DPH6: variants seen among roughly 807,000 people sequenced by gnomAD.
The protein encoded by DPH6 is diphthine--ammonia ligase.
In DPH6, 33 loss-of-function variants were observed where a neutral mutation model predicts 38.2. The observed-to-expected ratio is 0.86, with a 90% CI of 0.65 to 1.15. The LOEUF (loss-of-function observed/expected upper bound fraction) is 1.15. Ranked by LOEUF, DPH6 falls within the 50% of genes most tolerant of loss-of-function variation. The pLI is 0.00. For missense variants in DPH6, 325 were observed against 320.0 expected (o/e 1.02, Z -0.12); for synonymous variants, 108 against 103.0 (o/e 1.05, Z -0.30).
At chr15:35,197,121 G>C in the DPH6 span, among the ~76,000 whole-genome samples, 869 of 152,200 alleles carry the variant, frequency 5.7e-3, 4 homozygotes, top group Non-Finnish European at 9.5e-3. Flanking sequence ...ATTCACAGTA[G>C]AGCTTTGTAA....
chr15:35,479,854 G>A (rs971411633), intron 3 of DPH6, among the ~76,000 whole-genome samples: 6 of 151,858 alleles, frequency 4.0e-5, no homozygotes, highest in African/African-American at 1.5e-4. Context: ...AATTCTAATT[G>A]AAAAGAACAT....
chr15:35,197,916 T>C, the DPH6 span, among the ~76,000 whole-genome samples: 1 of 152,200 alleles, frequency 6.6e-6, no homozygotes, highest in African/African-American at 2.4e-5. Context: ...TTTTATCTCA[T>C]GGACATTACA....
chr15:35,312,100 T>C (rs905362127), intron 3 of DPH6, among the ~76,000 whole-genome samples: 2 of 151,752 alleles, frequency 1.3e-5, no homozygotes, highest in African/African-American at 2.4e-5. Context: ...AGAAGTTTCA[T>C]CTTTTTTTAA....
rs539692541 is a variant in DPH6, at chr15:35,243,481, C to T, written n.201-22899G>A. On this transcript the variant is annotated intron_variant and non_coding_transcript_variant, in intron 3 of 3. Transcript: ENST00000560386. Reference sequence around the variant, plus strand: ...TATATGCCCAGATGGCCTGAAGTAACTGAAGAATCACAAAAGAAGTGAAAA... The same window carrying T: ...TATATGCCCAGATGGCCTGAAGTAATTGAAGAATCACAAAAGAAGTGAAAA... 7.6e-5 allele frequency among the ~76,000 whole-genome samples: 11 copies of T among 144,292 alleles called. 1 individual carries two copies. The highest frequency in any genetic ancestry group is 2.8e-4 in the African/African-American group (11 of 39,940). The allele number at this position is 144,292 out of a possible 152,430, so 94.7% of individuals were successfully genotyped here.
chr15:35,214,728 C>T (rs959398354), downstream of DPH6, among the ~76,000 whole-genome samples: 2 of 152,188 alleles, frequency 1.3e-5, no homozygotes, highest in Admixed American at 6.5e-5. Context: ...CTGCCTCAGA[C>T]TACCGAGTAG....
At chr15:35,447,412 T>C (rs559134470) in intron 5 of DPH6, among the ~76,000 whole-genome samples, 155 of 152,240 alleles carry the variant, frequency 1.0e-3, no homozygotes, top group African/African-American at 3.7e-3. Flanking sequence ...AATTCACTTA[T>C]AATGCCTTTC....
the DPH6 span, among the ~76,000 whole-genome samples, chr15:35,195,168 A>G: frequency 4.0e-3 from 612 of 152,208 alleles, 3 homozygotes; most frequent in African/African-American, 0.014. Flanking sequence ...AACATGCAAT[A>G]TTTGTCTTTC....
In DPH6 at chr15:35,237,256, T is replaced by C. The variant is rs549410410; in HGVS notation, n.201-16674A>G. On this transcript the variant is annotated intron_variant and non_coding_transcript_variant, in intron 3 of 3. Coordinates refer to the DPH6 transcript ENST00000560386. ...AGCGGAGCTGGTTGAGCCTTGAAAGTGCTAAAACGCGCGGCCGTGTTATTG... is the reference window on the plus strand; with the variant it reads ...AGCGGAGCTGGTTGAGCCTTGAAAGCGCTAAAACGCGCGGCCGTGTTATTG... 14 of 1,383,700 alleles carry C rather than the reference T, an allele frequency of 1.0e-5. No homozygotes were observed. In the South Asian group the frequency reaches 1.6e-4, roughly 16 times the overall value. The allele number at this position is 1,383,700 out of a possible 1,614,324, so 85.7% of individuals were successfully genotyped here. A position where few individuals can be genotyped will look rare whatever the true frequency, so the allele number is the denominator to read the frequency against.
rs1384357927 is a variant in DPH6 at position 35,355,623 on chromosome 15, T to C, written n.207+17898A>G. Among the ~76,000 whole-genome samples, 3 of 152,364 alleles carry C rather than the reference T, an allele frequency of 2.0e-5. No homozygotes were observed. The East Asian group carries it at 5.8e-4, about 29-fold the overall frequency. ...ATGTTGAATATTGGCCCCCACTCTC[T>C]TCTGGCTTGTAGTTTCTGCCGAGAG... On this transcript the variant is annotated intron_variant and non_coding_transcript_variant, in intron 3 of 3. Transcript: ENST00000558973.
intron 6 of DPH6, among the ~76,000 whole-genome samples, chr15:35,382,250 A>G (rs928834606): frequency 6.6e-6 from 1 of 151,898 alleles, no homozygotes; most frequent in Non-Finnish European, 1.5e-5. Context: ...CCTGGCTAAC[A>G]TGGTGAAACA....
At chr15:35,456,594 T>C (rs1019394690) in intron 3 of DPH6, among the ~76,000 whole-genome samples, 4 of 151,886 alleles carry the variant, frequency 2.6e-5, no homozygotes, top group African/African-American at 9.7e-5. Context: ...TTCAAGCGAT[T>C]CTTCTGCCTC....
chr15:35,229,722 TG>T (rs1198802257), intron 3 of DPH6, among the ~76,000 whole-genome samples: 1 of 152,188 alleles, frequency 6.6e-6, no homozygotes, highest in Non-Finnish European at 1.5e-5. Flanking sequence ...AGGACTTGGG[TG>T]TTGTGATCTA....
At chr15:35,321,890 C>G (rs2140845692) in intron 3 of DPH6, among the ~76,000 whole-genome samples, 1 of 152,224 alleles carries the variant, frequency 6.6e-6, no homozygotes, top group Non-Finnish European at 1.5e-5. Flanking sequence ...GGGAACCTCG[C>G]CCACACAGGA....
At chr15:35,415,210 C>G (rs531921539) in intron 5 of DPH6, among the ~76,000 whole-genome samples, 1 of 151,964 alleles carries the variant, frequency 6.6e-6, no homozygotes, top group Non-Finnish European at 1.5e-5. Flanking sequence ...TATACAAGGT[C>G]AGCATGGCTG....
chr15:35,435,337 G>T (rs2053684041), intron 5 of DPH6, among the ~76,000 whole-genome samples: 1 of 152,114 alleles, frequency 6.6e-6, no homozygotes, highest in African/African-American at 2.4e-5. Context: ...ACTGAGTTTT[G>T]GACAATCAAA....
intron 1 of DPH6, among the ~76,000 whole-genome samples, chr15:35,545,630 G>A (rs1388141017): frequency 6.6e-6 from 1 of 152,190 alleles, no homozygotes; most frequent in Non-Finnish European, 1.5e-5. Flanking sequence ...TAGGGAGGAA[G>A]CCAGGCTGCG....
intron 5 of DPH6, among the ~76,000 whole-genome samples, chr15:35,445,121 T>C (rs543467915): frequency 1.6e-4 from 25 of 152,032 alleles, no homozygotes; most frequent in Non-Finnish European, 2.9e-4. Flanking sequence ...CAGAGAGGAG[T>C]TGTTAGTAAC....
intron 3 of DPH6, among the ~76,000 whole-genome samples, chr15:35,357,918 G>A (rs1269347134): frequency 3.3e-5 from 5 of 152,070 alleles, no homozygotes; most frequent in African/African-American, 1.2e-4. Context: ...TCTTGTATTT[G>A]GATGTCTGGG....
intron 5 of DPH6, among the ~76,000 whole-genome samples, chr15:35,419,970 C>T (rs536347047): frequency 6.6e-6 from 1 of 152,238 alleles, no homozygotes; most frequent in South Asian, 2.1e-4. Flanking sequence ...TTCCTTTCGA[C>T]AGCAACAGAA....
Sources: gnomAD v4.1 joint callset for allele counts (sites outside exome capture counted in the v4.1 genomes callset) on GRCh38, gnomAD v4.1.1 for gene constraint, MANE v1.5 for transcripts, NCBI Gene and HGNC (gene_info 2026-07-23, HGNC 2026-07-21) for gene names.